Variants in ROBO2 observed in about 807,000 individuals in gnomAD.
ROBO2 encodes the protein roundabout homolog 2.
In ROBO2, 53 loss-of-function variants were observed where a neutral mutation model predicts 160.8. The observed-to-expected ratio is 0.33, with a 90% CI of 0.26 to 0.41. The LOEUF is 0.41. ROBO2 is among the 10% of genes least tolerant of loss of function. The pLI, the probability that ROBO2 is intolerant of heterozygous loss-of-function variation, is 1.00. For synonymous variants in ROBO2, 664 were observed against 611.7 expected (o/e 1.09, Z -1.26); for missense variants, 1,577 against 1,722.4 (o/e 0.92, Z 1.49).
intron 2 of ROBO2, among the ~76,000 whole-genome samples, chr3:76,027,382 A>T (rs1042493936): frequency 6.6e-6 from 1 of 151,838 alleles, no homozygotes; most frequent in African/African-American, 2.4e-5. Flanking sequence ...CCTTGACATT[A>T]CAATATTCAT....
intron 22 of ROBO2, among the ~76,000 whole-genome samples, chr3:77,619,727 G>A (rs2094860697): frequency 6.6e-6 from 1 of 152,136 alleles, no homozygotes; most frequent in African/African-American, 2.4e-5. Context: ...ATATTGCGAT[G>A]CTTTTTGGAG....
chr3:77,129,119 T>C lies in ROBO2; in HGVS notation c.388+30779T>C, dbSNP rs139539043. 1.9e-3 allele frequency among the ~76,000 whole-genome samples: 296 copies of C among 152,062 alleles called. 1 individual carries two copies. The highest frequency in any genetic ancestry group is 6.9e-3 in the African/African-American group (286 of 41,548). On this transcript the variant is annotated intron_variant, in intron 2 of 25. Coordinates refer to ENST00000461745, the Ensembl canonical transcript of ROBO2. ...AGAAACTTTTACAACTGTCTTTTTT[T>C]CTACTAATTATTTCTTTATTTTTAG...
intron 2 of ROBO2, among the ~76,000 whole-genome samples, chr3:76,787,182 A>C (rs986392698): frequency 6.6e-6 from 1 of 151,346 alleles, no homozygotes; most frequent in African/African-American, 2.4e-5. Flanking sequence ...ATTCAACATG[A>C]GATTTGGGTG....
intron 2 of ROBO2, among the ~76,000 whole-genome samples, chr3:77,123,610 C>T (rs1204750261): frequency 1.3e-5 from 2 of 151,730 alleles, no homozygotes; most frequent in Non-Finnish European, 2.9e-5. Context: ...TAGACATACA[C>T]ATATGAAACT....
chr3:75,959,638 A>G (rs147996896), intron 2 of ROBO2, among the ~76,000 whole-genome samples: 135 of 151,816 alleles, frequency 8.9e-4, no homozygotes, highest in African/African-American at 3.1e-3. Flanking sequence ...TTAATTTTCT[A>G]TTTACATTTT....
chr3:76,965,303 G>C (rs75368015), intron 2 of ROBO2, among the ~76,000 whole-genome samples: 1 of 152,294 alleles, frequency 6.6e-6, no homozygotes, highest in Non-Finnish European at 1.5e-5. Context: ...CTGTGCTTTC[G>C]CAAGCTGACC....
At position 77,355,884 on chromosome 3, in the gene ROBO2, C is replaced by T. The variant is rs138169332; in HGVS notation, c.389-121530C>T. On this transcript the variant is annotated intron_variant, in intron 2 of 25. Coordinates refer to ENST00000461745, the Ensembl canonical transcript of ROBO2. ...ATATAACCAAGTATTGATGTACACA[C>T]TGTATAATGAGCAGCTATCAATCTC... Among the ~76,000 whole-genome samples the T allele has an allele frequency of 2.3e-3, 341 of 150,598 alleles. 1 individual carries two copies. Among genetic ancestry groups the T allele is most frequent in the African/African-American group, 8.0e-3 (328 of 40,948 alleles).
At chr3:77,504,568 T>A (rs1404571425) in intron 5 of ROBO2, among the ~76,000 whole-genome samples, 1 of 152,122 alleles carries the variant, frequency 6.6e-6, no homozygotes, top group East Asian at 1.9e-4. Flanking sequence ...TATTTAAAAG[T>A]GAGAAAGAAA....
At position 77,574,716 on chromosome 3, in the gene ROBO2, G is replaced by A. The variant is rs757428363; in HGVS notation, c.2189G>A (p.Arg730His). The A allele has an allele frequency of 1.2e-5, 19 of 1,612,092 alleles. No individual in the cohort carries two copies. The Admixed American group carries it at 1.7e-4, about 14-fold the overall frequency. Reference sequence around the variant, plus strand: ...ATGGATAGTGAATCTAAAACGGTTCGTACTACTGAAGAAGGTCAGTATTCA... The same window carrying A: ...ATGGATAGTGAATCTAAAACGGTTCATACTACTGAAGAAGGTCAGTATTCA... Residue 730 changes from arginine (R) to histidine (H), a missense_variant, in exon 14 of 26, where the codon CGT becomes CAT. Arg to His is a conservative substitution (Grantham distance 29). Transcript: ENST00000461745.
At chr3:77,478,005 T>G (rs578010506) in intron 3 of ROBO2, among the ~76,000 whole-genome samples, 143 of 152,138 alleles carry the variant, frequency 9.4e-4, no homozygotes, top group Non-Finnish European at 1.1e-3. Context: ...TTTTGTATTT[T>G]TTGTAGAGAT....
intron 2 of ROBO2, among the ~76,000 whole-genome samples, chr3:76,886,502 A>C (rs1211802367): frequency 6.6e-6 from 1 of 152,174 alleles, no homozygotes; most frequent in Non-Finnish European, 1.5e-5. Flanking sequence ...TCCTCTGGCT[A>C]CTTCAGAAGG....
At chr3:75,930,845 C>T (rs1947502030) in intron 1 of ROBO2, among the ~76,000 whole-genome samples, 1 of 152,186 alleles carries the variant, frequency 6.6e-6, no homozygotes, top group Non-Finnish European at 1.5e-5. Context: ...TTTCCAGTGT[C>T]CCCAGCCTAG....
intron 2 of ROBO2, among the ~76,000 whole-genome samples, chr3:76,970,666 G>T (rs527876521): frequency 2.0e-5 from 3 of 152,236 alleles, no homozygotes; most frequent in Non-Finnish European, 4.4e-5. Flanking sequence ...TGAATCAATG[G>T]AATGAATTCA....
At chr3:76,295,791 G>A (rs1221173906) in intron 2 of ROBO2, among the ~76,000 whole-genome samples, 2 of 152,024 alleles carry the variant, frequency 1.3e-5, no homozygotes, top group African/African-American at 2.4e-5. Flanking sequence ...ATTATCTAAC[G>A]TCCCTGAGCC....
intron 2 of ROBO2, among the ~76,000 whole-genome samples, chr3:76,258,839 T>C (rs534908084): frequency 6.6e-6 from 1 of 152,234 alleles, no homozygotes; most frequent in South Asian, 2.1e-4. Flanking sequence ...CCCTTATTTT[T>C]TTCTACTAAT....
chr3:76,058,755 C>A (rs566266932), intron 2 of ROBO2, among the ~76,000 whole-genome samples: 1 of 148,088 alleles, frequency 6.8e-6, no homozygotes, highest in African/African-American at 2.6e-5. Flanking sequence ...CCCATTAACT[C>A]GTTGTTTGGC....
chr3:76,325,861 T>G (rs1466160500), intron 2 of ROBO2, among the ~76,000 whole-genome samples: 1 of 152,156 alleles, frequency 6.6e-6, no homozygotes, highest in East Asian at 1.9e-4. Flanking sequence ...TAAGCTTGAA[T>G]AACTATAATA....
intron 2 of ROBO2, among the ~76,000 whole-genome samples, chr3:76,061,433 G>A (rs983334532): frequency 1.3e-5 from 2 of 152,156 alleles, no homozygotes; most frequent in African/African-American, 4.8e-5. Flanking sequence ...AAAGGAACCT[G>A]TAGTCATTGT....
intron 2 of ROBO2, among the ~76,000 whole-genome samples, chr3:77,258,153 C>T (rs568065590): frequency 9.9e-5 from 15 of 152,246 alleles, no homozygotes; most frequent in South Asian, 2.1e-4. Context: ...GGCCACATGC[C>T]GTGAAAAATG....
Sources: allele counts gnomAD v4.1 joint callset (sites outside exome capture counted in the v4.1 genomes callset), GRCh38; gene constraint gnomAD v4.1.1; transcripts MANE v1.5; gene names NCBI Gene and HGNC (gene_info 2026-07-23, HGNC 2026-07-21).